The following TSPAN9 variants were observed in gnomAD, a reference collection of about 807,000 sequenced individuals.
TSPAN9 encodes the protein tetraspanin-9.
TSPAN9 carries 16 observed loss-of-function variants against 31.0 expected under a neutral mutation model. That is an observed-to-expected ratio of 0.52 (90% CI 0.35 to 0.78). The LOEUF (loss-of-function observed/expected upper bound fraction) is 0.78, where lower values mean the gene tolerates loss of function less well. Among genes scored for constraint, TSPAN9 ranks in the 30% least tolerant of loss-of-function variants. TSPAN9 has a pLI of 0.01. For missense variants in TSPAN9, 272 were observed against 312.5 expected (o/e 0.87, Z 0.98); for synonymous variants, 145 against 121.6 (o/e 1.19, Z -1.27).
At chr12:3,121,923 A>G (rs2098325318) in intron 2 of TSPAN9, among the ~76,000 whole-genome samples, 1 of 152,230 alleles carries the variant, frequency 6.6e-6, no homozygotes, top group Admixed American at 6.5e-5. Context: ...ATACTGTATC[A>G]GTCACACAGC....
rs1483690995 is a variant in TSPAN9, at chr12:3,280,343, C to T, written c.331-39C>T. 1.6e-5 allele frequency: 26 copies of T among 1,591,278 alleles called. No individual in the cohort carries two copies. The highest frequency in any genetic ancestry group is 2.1e-5 in the Non-Finnish European group (25 of 1,163,476). Reference sequence around the variant, plus strand: ...GTGGGCTGGAGAGACGAGCTGCGTCCTGGTTCCAACCGTCTCACTGTGTCC... The same window carrying T: ...GTGGGCTGGAGAGACGAGCTGCGTCTTGGTTCCAACCGTCTCACTGTGTCC... On this transcript the variant is annotated intron_variant, in intron 5 of 8. Transcript: ENST00000011898. The surrounding 1 kb of genome is among the most constrained non-coding windows in gnomAD (Gnocchi z 4.5).
chr12:3,162,188 A>G (rs952614142), intron 2 of TSPAN9, among the ~76,000 whole-genome samples: 2 of 152,108 alleles, frequency 1.3e-5, no homozygotes, highest in Non-Finnish European at 2.9e-5. Context: ...CTCTCTCACC[A>G]TGTGATATCT....
chr12:3,113,084 G>A (rs1179818153), intron 2 of TSPAN9, among the ~76,000 whole-genome samples: 2 of 152,168 alleles, frequency 1.3e-5, no homozygotes, highest in Non-Finnish European at 2.9e-5. Context: ...CTAACTCTAT[G>A]TCAGGTCATA....
In TSPAN9 at chr12:3,226,738, GTGTGTGTATATATATA is replaced by G. The variant is rs1357798772; in HGVS notation, c.63+25484_63+25499del. On this transcript the variant is annotated intron_variant, in intron 3 of 8. Transcript: ENST00000011898. The stretch of plus-strand genomic sequence containing the variant: ...TATGTATGTGTGTGTGTGTGTGTGT[GTGTGTGTATATATATA>G]TATATATATATATATATATATATAT... Among the ~76,000 whole-genome samples the G allele has an allele frequency of 3.3e-3, 35 of 10,592 alleles. 3 individuals carry two copies. Among genetic ancestry groups the G allele is most frequent in the South Asian group, 9.3e-3 (1 of 108 alleles). The allele number at this position is 10,592 out of a possible 152,430, so 6.9% of individuals were successfully genotyped here. A position where few individuals can be genotyped will look rare whatever the true frequency, so the allele number is the denominator to read the frequency against.
chr12:3,148,454 A>T (rs1293909091), intron 2 of TSPAN9, among the ~76,000 whole-genome samples: 2 of 152,156 alleles, frequency 1.3e-5, no homozygotes, highest in African/African-American at 4.8e-5. Context: ...TGGGTTCAGG[A>T]TGCTGGGGTT....
At chr12:3,194,999 G>A (rs752746822) in intron 2 of TSPAN9, among the ~76,000 whole-genome samples, 5 of 152,228 alleles carry the variant, frequency 3.3e-5, no homozygotes, top group Non-Finnish European at 7.3e-5. Flanking sequence ...TAAAAATTGG[G>A]GGGAGGTGAG....
chr12:3,265,410 TG>T (rs1288830639), intron 3 of TSPAN9, among the ~76,000 whole-genome samples: 14 of 152,314 alleles, frequency 9.2e-5, no homozygotes, highest in African/African-American at 3.4e-4. Flanking sequence ...AAGCGCCCTC[TG>T]GAAAACAAAT....
intron 3 of TSPAN9, among the ~76,000 whole-genome samples, chr12:3,250,963 TCTC>T (rs1350045744): frequency 1.3e-5 from 2 of 152,186 alleles, no homozygotes; most frequent in Non-Finnish European, 2.9e-5. Flanking sequence ...CACTCTCTCT[TCTC>T]CTTTCTGCCT....
chr12:3,282,043 G>A (rs1862905065), intron 8 of TSPAN9: 1 of 702,172 alleles, frequency 1.4e-6, no homozygotes, highest in South Asian at 1.5e-5. Context: ...CCTGTGGCCA[G>A]GCCCAGGCTG....
intron 3 of TSPAN9, among the ~76,000 whole-genome samples, chr12:3,205,352 C>A (rs1412460725): frequency 6.6e-6 from 1 of 152,202 alleles, no homozygotes; most frequent in Non-Finnish European, 1.5e-5. Context: ...CGCAGGGTGG[C>A]CCCGGGCAGA....
intron 2 of TSPAN9, among the ~76,000 whole-genome samples, chr12:3,142,050 G>A (rs1485467694): frequency 1.3e-5 from 2 of 152,184 alleles, no homozygotes; most frequent in African/African-American, 2.4e-5. Context: ...ATGGCCAGGT[G>A]CTCACAGGAA....
At chr12:3,153,846 ATG>A (rs370813097) in intron 2 of TSPAN9, among the ~76,000 whole-genome samples, 115 of 103,894 alleles carry the variant, frequency 1.1e-3, no homozygotes, top group African/African-American at 4.0e-3. Context: ...TTATATATAT[ATG>A]TGTGTGTGTG....
intron 2 of TSPAN9, among the ~76,000 whole-genome samples, chr12:3,152,893 C>G (rs1385380345): frequency 1.3e-5 from 2 of 152,180 alleles, no homozygotes; most frequent in East Asian, 3.9e-4. Context: ...CAGCTGAGCC[C>G]CCTTCTTTTC....
At chr12:3,142,019 C>T (rs2098335096) in intron 2 of TSPAN9, among the ~76,000 whole-genome samples, 1 of 152,218 alleles carries the variant, frequency 6.6e-6, no homozygotes, top group Non-Finnish European at 1.5e-5. Context: ...TGGTGTCAGG[C>T]ATTGCGCTAA....
intron 2 of TSPAN9, among the ~76,000 whole-genome samples, chr12:3,186,567 T>TGTGG (rs72013852): frequency 1.3e-5 from 2 of 151,756 alleles, no homozygotes; most frequent in African/African-American, 4.8e-5. Context: ...TGTGTGTGTG[T>TGTGG]GTGTGTGTGT....
At chr12:3,244,476 G>A (rs2098398286) in intron 3 of TSPAN9, among the ~76,000 whole-genome samples, 1 of 152,218 alleles carries the variant, frequency 6.6e-6, no homozygotes, top group South Asian at 2.1e-4. Context: ...GCCCCCTGCA[G>A]ATGGCGTGAG....
intron 2 of TSPAN9, among the ~76,000 whole-genome samples, chr12:3,149,275 T>A (rs914821944): frequency 5.9e-5 from 9 of 152,168 alleles, no homozygotes; most frequent in African/African-American, 2.2e-4. Context: ...GTGTAGGGGC[T>A]GGACTTGGGG....
In TSPAN9 at chr12:3,201,235, C is replaced by T. The variant is rs772368871; in HGVS notation, c.42C>T (p.Phe14=). The change falls in exon 3 of 9, where the codon TTC becomes TTT. Residue 14 remains phenylalanine, a synonymous_variant. Coordinates refer to ENST00000011898, the MANE Select transcript of TSPAN9 (RefSeq NM_006675.5). ...TCTGCTGCTTGAAGTACATGATGTT[C>T]CTCTTCAATTTGATATTCTGGGTAA... The part of the protein sequence containing the change: ...GCLCCLKYMM[F]LFNLIFWLCG... The T allele has an allele frequency of 4.3e-6, 7 of 1,613,984 alleles. No individual in the cohort carries two copies. Among genetic ancestry groups the T allele is most frequent in the Non-Finnish European group, 5.9e-6 (7 of 1,180,028 alleles).
intron 2 of TSPAN9, among the ~76,000 whole-genome samples, chr12:3,084,631 CAG>C (rs2098299506): frequency 6.6e-6 from 1 of 152,236 alleles, no homozygotes; most frequent in South Asian, 2.1e-4. Context: ...TCATCATGAT[CAG>C]ACTCAGTTTT....
Sources: allele counts gnomAD v4.1 joint callset (sites outside exome capture counted in the v4.1 genomes callset), GRCh38; gene constraint gnomAD v4.1.1; non-coding constraint Gnocchi (gnomAD v3.1); transcripts MANE v1.5; gene names NCBI Gene and HGNC (gene_info 2026-07-23, HGNC 2026-07-21).